Variants in IFT140 observed in about 807,000 individuals in gnomAD.
The protein encoded by IFT140 is intraflagellar transport 140, also known as intraflagellar transport protein 140 homolog.
In IFT140, 133 loss-of-function variants were observed where a neutral mutation model predicts 164.6. The ratio of observed to expected loss-of-function variants is 0.81; its 90% CI spans 0.70 to 0.93. The LOEUF (loss-of-function observed/expected upper bound fraction) is 0.93. Ranked by LOEUF, IFT140 falls within the 40% of genes least tolerant of loss-of-function variation. The probability of loss-of-function intolerance (pLI) is 0.00; values close to 1 mark genes in which losing one functional copy is unlikely to be tolerated. For missense variants in IFT140, 2,045 were observed against 1,972.3 expected (o/e 1.04, Z -0.70); for synonymous variants, 860 against 817.3 (o/e 1.05, Z -0.89).
At chr16:1,568,151 G>A (rs907734484) in intron 15 of IFT140, 66 bp downstream of exon 15, 1 of 1,157,124 alleles carries the variant, frequency 8.6e-7, no homozygotes. Context: ...GAGCAGGCAG[G>A]AGGCCTGGCC....
intron 4 of IFT140, among the ~76,000 whole-genome samples, chr16:1,595,935 A>G (rs1399609231): frequency 2.6e-5 from 4 of 151,970 alleles, no homozygotes; most frequent in Admixed American, 2.0e-4. Flanking sequence ...CGCCTGCTGT[A>G]ATCCCAGCTA....
At position 1,602,247 on chromosome 16, in the gene IFT140, G is replaced by C. The variant is rs932223150; in HGVS notation, c.369+123C>G. ...CCAATATAAAACAAAATCTACAATT[G>C]CATCTGACAAGATCAACTGAATTTG... On this transcript the variant is annotated intron_variant, in intron 4 of 30. Transcript: ENST00000426508. The C allele has an allele frequency of 4.6e-6, 4 of 861,696 alleles. No individual in the cohort carries two copies. The Admixed American group carries it at 9.3e-5, about 20-fold the overall frequency. The allele number at this position is 861,696 out of a possible 1,614,324, so 53.4% of individuals were successfully genotyped here.
At position 1,534,514 on chromosome 16, in the gene IFT140, C is replaced by G. The variant is rs1350117081; in HGVS notation, c.2400-7718G>C. On this transcript the variant is annotated intron_variant, in intron 19 of 30. Coordinates refer to ENST00000426508, the MANE Select transcript of IFT140 (RefSeq NM_014714.4). ...GACTGTGAGGCGCTGGGCTGGGGCT[C>G]CGAGGCAGCCGGCTTCCAGGAGTCC... The G allele has an allele frequency of 3.1e-6, 5 of 1,607,210 alleles. No homozygotes were observed. The highest frequency in any genetic ancestry group is 4.2e-6 in the Non-Finnish European group (5 of 1,179,888).
chr16:1,561,165 G>A (rs918231451), intron 18 of IFT140, among the ~76,000 whole-genome samples: 1 of 152,262 alleles, frequency 6.6e-6, no homozygotes, highest in Non-Finnish European at 1.5e-5. Context: ...TCAGTGAAGC[G>A]AGGGGAGCAG....
intron 13 of IFT140, among the ~76,000 whole-genome samples, chr16:1,575,629 C>G (rs547428428): frequency 6.6e-6 from 1 of 152,294 alleles, no homozygotes; most frequent in East Asian, 1.9e-4. Context: ...GGTATCTTCC[C>G]AAGCTCTACA....
intron 26 of IFT140, among the ~76,000 whole-genome samples, chr16:1,521,286 G>C (rs2040519213): frequency 6.6e-6 from 1 of 151,984 alleles, no homozygotes; most frequent in African/African-American, 2.4e-5. Flanking sequence ...GGCTGGTCTT[G>C]AACTCCTGGG....
intron 30 of IFT140, among the ~76,000 whole-genome samples, chr16:1,517,312 T>C (rs1170601655): frequency 6.8e-6 from 1 of 146,838 alleles, no homozygotes; most frequent in Non-Finnish European, 1.5e-5. Flanking sequence ...ATCGCGCCAC[T>C]GCGCTCCAGC....
chr16:1,557,879 G>T, intron 19 of IFT140, 56 bp downstream of exon 19: 1 of 1,546,142 alleles, frequency 6.5e-7, no homozygotes, highest in Non-Finnish European at 8.9e-7. Flanking sequence ...CAGGGAGAAA[G>T]GAAAGAGCCG....
intron 30 of IFT140, among the ~76,000 whole-genome samples, chr16:1,517,898 C>T (rs753184426): frequency 1.1e-4 from 17 of 151,994 alleles, no homozygotes; most frequent in African/African-American, 3.4e-4. Flanking sequence ...AGTGCAGTGG[C>T]GCCATCAGAT....
chr16:1,542,637 A>G (rs1378705740), intron 19 of IFT140, among the ~76,000 whole-genome samples: 1 of 152,244 alleles, frequency 6.6e-6, no homozygotes, highest in East Asian at 1.9e-4. Context: ...CGTGAGCGGG[A>G]CAAGACAGAG....
chr16:1,563,139 C>T (rs2033510321), intron 17 of IFT140, among the ~76,000 whole-genome samples: 1 of 152,028 alleles, frequency 6.6e-6, no homozygotes, highest in Non-Finnish European at 1.5e-5. Flanking sequence ...CTGGGTCACC[C>T]CCACAGCCTG....
chr16:1,555,630 C>T (rs2033029122), intron 19 of IFT140: 1 of 152,428 alleles, frequency 6.6e-6, no homozygotes, highest in Admixed American at 6.5e-5. Context: ...ACATTTGATC[C>T]ACTTTTTTGT....
At chr16:1,600,793 TTGAAA>T (rs1174197676) in intron 4 of IFT140, among the ~76,000 whole-genome samples, 47 of 152,076 alleles carry the variant, frequency 3.1e-4, no homozygotes, top group African/African-American at 1.0e-3. Flanking sequence ...CCAAAAACGT[TTGAAA>T]TGAAAGTATT....
chr16:1,516,611 T>C (rs980806465), intron 30 of IFT140, among the ~76,000 whole-genome samples: 1 of 151,240 alleles, frequency 6.6e-6, no homozygotes, highest in Non-Finnish European at 1.5e-5. Context: ...CTACTAAAAA[T>C]ACAAAAAAAT....
chr16:1,515,893 C>T (rs572047002), intron 30 of IFT140, among the ~76,000 whole-genome samples: 128 of 152,182 alleles, frequency 8.4e-4, no homozygotes, highest in Middle Eastern at 6.8e-3. Flanking sequence ...CCAGAAATGA[C>T]GCTTTGGGAG....
intron 4 of IFT140, among the ~76,000 whole-genome samples, chr16:1,595,201 T>C (rs1299666816): frequency 4.7e-5 from 7 of 148,876 alleles, no homozygotes; most frequent in Non-Finnish European, 8.9e-5. Flanking sequence ...AGGAGAATGG[T>C]GTGAACCCAG....
intron 9 of IFT140, among the ~76,000 whole-genome samples, 193 bp from the exon 10 acceptor site, chr16:1,586,468 G>A (rs1022842368): frequency 7.2e-5 from 11 of 152,012 alleles, no homozygotes; most frequent in Non-Finnish European, 1.0e-4. Context: ...TGCGGGGGTG[G>A]TGGGGGATGC....
At chr16:1,602,188 T>C (rs1028269830) in intron 4 of IFT140, 182 bp downstream of exon 4, 1 of 616,544 alleles carries the variant, frequency 1.6e-6, no homozygotes, top group East Asian at 2.8e-5. Context: ...AGACACACCT[T>C]TGCCACAGAG....
chr16:1,588,511 C>T (rs1000941805), intron 7 of IFT140, among the ~76,000 whole-genome samples: 17 of 80,656 alleles, frequency 2.1e-4, no homozygotes, highest in Admixed American at 2.0e-3. Flanking sequence ...GGTGACAGAG[C>T]AAGACTCCGT....
Sources: allele counts gnomAD v4.1 joint callset (sites outside exome capture counted in the v4.1 genomes callset), GRCh38; gene constraint gnomAD v4.1.1; transcripts MANE v1.5; gene names NCBI Gene and HGNC (gene_info 2026-07-23, HGNC 2026-07-21).